ARRDC2: variants seen among roughly 807,000 people sequenced by gnomAD.
The protein encoded by ARRDC2 is arrestin domain-containing protein 2.
In ARRDC2, 39 loss-of-function variants were observed where a neutral mutation model predicts 38.9. The ratio of observed to expected loss-of-function variants is 1.00; its 90% CI spans 0.78 to 1.31. ARRDC2 has a LOEUF of 1.31. ARRDC2 is among the 50% of genes most tolerant of loss of function. The probability of loss-of-function intolerance (pLI) is 0.00; values close to 1 mark genes in which losing one functional copy is unlikely to be tolerated. For missense variants in ARRDC2, 553 were observed against 588.4 expected (o/e 0.94, Z 0.62); for synonymous variants, 300 against 261.9 (o/e 1.15, Z -1.41).
At chr19:18,006,411 G>A (rs1599394978), upstream of ARRDC2, among the ~76,000 whole-genome samples, 1 of 152,252 alleles carries the variant, frequency 6.6e-6, no homozygotes, top group African/African-American at 2.4e-5. Context: ...GATCACTCGA[G>A]GTTAGGAGCT....
At chr19:18,006,284 GGTGGA>G (rs2033276074), upstream of ARRDC2, among the ~76,000 whole-genome samples, 1 of 152,122 alleles carries the variant, frequency 6.6e-6, no homozygotes, top group Middle Eastern at 3.2e-3. Context: ...GCGGCTGGGA[GGTGGA>G]GGTTGTAGCG....
chr19:18,009,696 T>C lies in ARRDC2; in HGVS notation c.592+2T>C, dbSNP rs1455016761. ...TCGACCGCAAGGGCTACACCCCAGG[T>C]AGCAGGCGGACCGGACTGGGTTGGG... On this transcript the variant is annotated splice_donor_variant, in intron 4 of 7. Coordinates refer to ENST00000222250, the MANE Select transcript of ARRDC2 (RefSeq NM_015683.2). LOFTEE classifies it high-confidence loss of function. The C allele has an allele frequency of 1.9e-6, 3 of 1,611,746 alleles. No individual in the cohort carries two copies. Among genetic ancestry groups the C allele is most frequent in the Non-Finnish European group, 2.5e-6 (3 of 1,178,582 alleles).
rs1258112697 is a variant in ARRDC2 at position 18,008,488 on chromosome 19, A to G, written c.178A>G (p.Thr60Ala). Residue 60 changes from threonine to alanine, a missense_variant, in exon 1 of 8, where the codon ACC (threonine) becomes GCC (alanine). This residue lies in a region of ARRDC2 where 447 missense variants were observed against 456.6 expected (regional missense o/e 0.98). Coordinates refer to ENST00000222250, the MANE Select transcript of ARRDC2 (RefSeq NM_015683.2). ...RARGRAHVHWTESRSAGSSTA... is the reference protein window; with the variant it reads ...RARGRAHVHWAESRSAGSSTA... ...GCGGGGCCGCGCCCACGTGCACTGG[A>G]CCGAGTCGCGCAGCGCGGGCTCGAG... The G allele has an allele frequency of 6.5e-7, 1 of 1,530,996 alleles. No individual in the cohort carries two copies. The highest frequency in any genetic ancestry group is 8.7e-7 in the Non-Finnish European group (1 of 1,145,438). The allele number at this position is 1,530,996 out of a possible 1,614,324, so 94.8% of individuals were successfully genotyped here. A position where few individuals can be genotyped will look rare whatever the true frequency, so the allele number is the denominator to read the frequency against.
In ARRDC2 at chr19:18,013,852, A is replaced by G. The variant is rs2033459864; in HGVS notation, c.*886A>G. 2 of 152,282 alleles carry G rather than the reference A, an allele frequency of 1.3e-5. No homozygotes were observed. Among genetic ancestry groups the G allele is most frequent in the South Asian group, 4.1e-4 (2 of 4,822 alleles). The allele number at this position is 152,282 out of a possible 1,614,324, so 9.4% of individuals were successfully genotyped here. A position where few individuals can be genotyped will look rare whatever the true frequency, so the allele number is the denominator to read the frequency against. ...AAACGATGAAGAATTCAAGACAGTG[A>G]CAGCATTACGTCACCCCTGGGGACA... On this transcript the variant is annotated 3_prime_UTR_variant, in exon 8 of 8. Coordinates refer to ENST00000222250, the MANE Select transcript of ARRDC2 (RefSeq NM_015683.2).
chr19:18,008,116 A>ACGCCCCCCC, upstream of ARRDC2: 11 of 522,494 alleles, frequency 2.1e-5, no homozygotes, highest in Non-Finnish European at 2.9e-5. Flanking sequence ...AGAGACGGTG[A>ACGCCCCCCC]CCCCACCCCC....
upstream of ARRDC2, among the ~76,000 whole-genome samples, chr19:18,005,931 C>A (rs1332435825): frequency 6.7e-6 from 1 of 149,486 alleles, no homozygotes; most frequent in African/African-American, 2.5e-5. Context: ...GGCAGAGACG[C>A]TCCTCACCTC....
upstream of ARRDC2, among the ~76,000 whole-genome samples, chr19:18,006,276 G>T (rs1183906195): frequency 6.6e-6 from 1 of 152,088 alleles, no homozygotes; most frequent in Non-Finnish European, 1.5e-5. Context: ...CAAGGCAGGC[G>T]GCTGGGAGGT....
At position 18,010,348 on chromosome 19, in the gene ARRDC2, G is replaced by A. The variant is rs1481444894; in HGVS notation, c.1002G>A (p.Glu334=). 6.2e-7 allele frequency: 1 copy of A among 1,609,490 alleles called. No individual in the cohort carries two copies. ...LLDWRLGALP[E]RPEAPPEYSE... ...ACTGGAGGCTGGGGGCCTTGCCGGAGCGGCCTGAGGGTAAGCTCCCACCCT... is the reference window on the plus strand; with the variant it reads ...ACTGGAGGCTGGGGGCCTTGCCGGAACGGCCTGAGGGTAAGCTCCCACCCT... The change falls in exon 6 of 8, where the codon GAG becomes GAA. Residue 334 remains glutamate, a synonymous_variant. Transcript: ENST00000222250.
chr19:18,010,441 C>T (rs2146006897), intron 6 of ARRDC2, 83 bp downstream of exon 6: 2 of 1,556,960 alleles, frequency 1.3e-6, no homozygotes, highest in Non-Finnish European at 8.7e-7. Flanking sequence ...CACCACGAGT[C>T]CCCCGGAATC....
intron 3 of ARRDC2, 188 bp from the exon 4 acceptor site, chr19:18,009,404 C>T: frequency 1.6e-6 from 1 of 638,400 alleles, no homozygotes; most frequent in Non-Finnish European, 2.7e-6. Context: ...TTGGCTTATA[C>T]ATTTCATTTC....
intron 1 of ARRDC2, 47 bp downstream of exon 1, chr19:18,008,631 C>T: frequency 6.2e-7 from 1 of 1,600,254 alleles, no homozygotes; most frequent in Non-Finnish European, 8.5e-7. Flanking sequence ...GTGCCTCCCA[C>T]CACCTGGACG....
chr19:18,005,428 C>T (rs989027858), upstream of ARRDC2, among the ~76,000 whole-genome samples: 1 of 152,266 alleles, frequency 6.6e-6, no homozygotes, highest in East Asian at 1.9e-4. Flanking sequence ...ATTTCTCAAT[C>T]TTTTCCCCAC....
chr19:18,002,236 G>C (rs867433854), intron 1 of ARRDC2, among the ~76,000 whole-genome samples: 3 of 152,218 alleles, frequency 2.0e-5, no homozygotes, highest in Admixed American at 6.5e-5. Flanking sequence ...CCCTGGGGTA[G>C]GGTTGGGGGT....
chr19:18,008,039 G>T, upstream of ARRDC2: 178 of 882,444 alleles, frequency 2.0e-4, no homozygotes, highest in Middle Eastern at 1.2e-3. Context: ...TTGTTATTTT[G>T]CTCCACGCCT....
At chr19:18,008,133 C>CCCCCCCA, upstream of ARRDC2, 1 of 1,290,782 alleles carries the variant, frequency 7.7e-7, no homozygotes, top group Non-Finnish European at 1.0e-6. Context: ...CCCCCCCCGC[C>CCCCCCCA]CTGCCGTATA....
rs374118334 is a variant in ARRDC2, at chr19:18,009,585, C to G, written c.490-7C>G. The stretch of plus-strand genomic sequence containing the variant: ...CTCATCCATGTCACTTTCCTCTACA[C>G]CGACAGGCACCTCAAGCGGGGGCTC... On this transcript the variant is annotated splice_region_variant and splice_polypyrimidine_tract_variant and intron_variant, in intron 3 of 7. Transcript: ENST00000222250. 18 of 1,592,890 alleles carry G rather than the reference C, an allele frequency of 1.1e-5. No homozygotes were observed. The highest frequency in any genetic ancestry group is 1.4e-5 in the Non-Finnish European group (16 of 1,165,566).
rs141814820 is a variant in ARRDC2, at chr19:18,010,271, C to T, written c.925C>T (p.Pro309Ser). The T allele has an allele frequency of 3.0e-4, 489 of 1,613,862 alleles. 1 individual carries two copies. In the African/African-American group the frequency reaches 4.6e-3, roughly 15 times the overall value. Reference sequence around the variant, plus strand: ...GGTGATCGGCACCATTCCCTTGCACCCTTTTGGCAGCCGTTCCTCCAGCGT... The same window carrying T: ...GGTGATCGGCACCATTCCCTTGCACTCTTTTGGCAGCCGTTCCTCCAGCGT... ...PLVIGTIPLH[P>S]FGSRSSSVGS... Residue 309 changes from proline (P) to serine (S), a missense_variant, in exon 6 of 8, where the codon CCT becomes TCT. By Grantham distance (74) the Pro-to-Ser change is moderately conservative. Around this residue, in one of 3 missense-constraint regions of ARRDC2, gnomAD observed 447 missense variants for 456.6 expected, o/e 0.98. Coordinates refer to ENST00000222250, the MANE Select transcript of ARRDC2 (RefSeq NM_015683.2).
At chr19:18,010,773 T>G (rs768359559) in intron 7 of ARRDC2, 44 bp downstream of exon 7, 1 of 1,592,616 alleles carries the variant, frequency 6.3e-7, no homozygotes, top group South Asian at 1.1e-5. Context: ...CTCTGGGCCC[T>G]GGGAGCCTTG....
rs2033386989 is a variant in ARRDC2 at position 18,010,355 on chromosome 19, G to A, written c.1009G>A (p.Glu337Lys). 1 of 1,608,462 alleles carries A rather than the reference G, an allele frequency of 6.2e-7. No individual in the cohort carries two copies. Among genetic ancestry groups the A allele is most frequent in the Non-Finnish European group, 8.5e-7 (1 of 1,179,652 alleles). The change falls in exon 6 of 8, where the codon GAG becomes AAG. Residue 337 changes from glutamate to lysine, a missense_variant. Physicochemically the swap from Glu to Lys is moderately conservative, Grantham distance 56 (BLOSUM62 1). Around this residue, in one of 3 missense-constraint regions of ARRDC2, gnomAD observed 100 missense variants for 107.6 expected, o/e 0.93. Coordinates refer to ENST00000222250, the MANE Select transcript of ARRDC2 (RefSeq NM_015683.2). ...GCTGGGGGCCTTGCCGGAGCGGCCT[G>A]AGGGTAAGCTCCCACCCTGCTTGCA... ...WRLGALPERP[E>K]APPEYSEVVA...
Sources: allele counts gnomAD v4.1 joint callset (sites outside exome capture counted in the v4.1 genomes callset), GRCh38; gene constraint gnomAD v4.1.1; regional missense constraint gnomAD v4.1.1; transcripts MANE v1.5; gene names NCBI Gene and HGNC (gene_info 2026-07-23, HGNC 2026-07-21).